RARB: variants seen among roughly 807,000 people sequenced by gnomAD.
The protein encoded by RARB is HBV-activated protein.
RARB carries 17 observed loss-of-function variants against 51.9 expected under a neutral mutation model. That is an observed-to-expected ratio of 0.33 (90% CI 0.22 to 0.49). The LOEUF (loss-of-function observed/expected upper bound fraction) is 0.49, where lower values mean the gene tolerates loss of function less well. RARB is among the 20% of genes least tolerant of loss of function. RARB has a pLI of 0.99. For synonymous variants in RARB, 215 were observed against 195.4 expected (o/e 1.10, Z -0.84); for missense variants, 369 against 550.8 (o/e 0.67, Z 3.30).
chr3:25,290,073 C>A (rs937473790), intron 5 of RARB, among the ~76,000 whole-genome samples: 1 of 152,100 alleles, frequency 6.6e-6, no homozygotes, highest in African/African-American at 2.4e-5. Flanking sequence ...AGAGAATGCT[C>A]CCCTTTTCTT....
chr3:24,995,157 A>G (rs543489626), intron 2 of RARB, among the ~76,000 whole-genome samples: 1 of 151,854 alleles, frequency 6.6e-6, no homozygotes, highest in Admixed American at 6.6e-5. Context: ...TATCCTCTTC[A>G]GTTTATTTCA....
intron 2 of RARB, among the ~76,000 whole-genome samples, chr3:24,983,481 A>G (rs1448452568): frequency 2.0e-5 from 3 of 152,090 alleles, no homozygotes; most frequent in Non-Finnish European, 4.4e-5. Flanking sequence ...CCTGTCATCT[A>G]GGTTTTAAGC....
At chr3:24,904,996 C>G (rs866145629) in intron 2 of RARB, among the ~76,000 whole-genome samples, 13 of 152,192 alleles carry the variant, frequency 8.5e-5, no homozygotes, top group South Asian at 4.2e-4. Context: ...GGGAACATCA[C>G]ACAAGGGGAG....
intron 5 of RARB, among the ~76,000 whole-genome samples, chr3:25,401,990 T>A (rs1432099197): frequency 6.6e-6 from 1 of 152,090 alleles, no homozygotes; most frequent in Non-Finnish European, 1.5e-5. Flanking sequence ...TTGGCCAGGC[T>A]GTCTCAAACT....
chr3:24,847,073 G>T (rs1702494526), intron 1 of RARB, among the ~76,000 whole-genome samples: 1 of 152,144 alleles, frequency 6.6e-6, no homozygotes. Context: ...GGTCTGGGAT[G>T]GTGCCTGAGC....
Position 25,257,068 on chromosome 3 carries a change from T to TA in RARB, c.178+82494dup, listed in dbSNP as rs1033398814. Reference sequence around the variant, plus strand: ...AAATGTAAGCTCATCAATGTAGAGTTATGCACACATTTAAAGAACATCTGC... The same window carrying TA: ...AAATGTAAGCTCATCAATGTAGAGTTAATGCACACATTTAAAGAACATCTGC... On this transcript the variant is annotated intron_variant, in intron 5 of 11. Transcript: ENST00000383772. 5.9e-5 allele frequency among the ~76,000 whole-genome samples: 9 copies of TA among 152,260 alleles called. 1 individual carries two copies. The highest frequency in any genetic ancestry group is 2.6e-4 in the Admixed American group (4 of 15,268).
At chr3:25,513,171 C>G (rs1471022994) in intron 3 of RARB, among the ~76,000 whole-genome samples, 2 of 151,130 alleles carry the variant, frequency 1.3e-5, no homozygotes, top group African/African-American at 4.9e-5. Flanking sequence ...CCTGTAATCC[C>G]AGCTACTCAG....
At chr3:25,591,176 A>T (rs1210131509) in intron 5 of RARB, among the ~76,000 whole-genome samples, 4 of 152,332 alleles carry the variant, frequency 2.6e-5, no homozygotes. Flanking sequence ...TGTTTTGAGA[A>T]CTACTCACAT....
intron 5 of RARB, among the ~76,000 whole-genome samples, chr3:25,212,275 G>C (rs528782534): frequency 6.6e-6 from 1 of 152,162 alleles, no homozygotes; most frequent in Admixed American, 6.5e-5. Flanking sequence ...GCTAAATTGA[G>C]CATCAATAAT....
intron 5 of RARB, among the ~76,000 whole-genome samples, chr3:25,420,104 G>C (rs779383199): frequency 6.6e-6 from 1 of 152,034 alleles, no homozygotes; most frequent in Admixed American, 6.6e-5. Context: ...GTGTGTGCGC[G>C]CGTGTGTGTG....
intron 1 of RARB, among the ~76,000 whole-genome samples, chr3:25,442,723 C>A (rs1005272781): frequency 3.3e-5 from 5 of 152,048 alleles, no homozygotes; most frequent in Non-Finnish European, 5.9e-5. Flanking sequence ...CTGGGTGGAA[C>A]TATTTTTCCT....
At chr3:25,502,657 A>G (rs930271742) in intron 3 of RARB, among the ~76,000 whole-genome samples, 6 of 152,340 alleles carry the variant, frequency 3.9e-5, no homozygotes, top group African/African-American at 1.4e-4. Flanking sequence ...ATGCGTGAAC[A>G]TGTAACCTAG....
intron 1 of RARB, among the ~76,000 whole-genome samples, chr3:25,436,907 A>G (rs1708458315): frequency 6.6e-6 from 1 of 152,162 alleles, no homozygotes; most frequent in South Asian, 2.1e-4. Context: ...GTCCAAGATA[A>G]TGCAAGTAGC....
chr3:24,904,417 A>G (rs1005246241), intron 2 of RARB, among the ~76,000 whole-genome samples: 2 of 152,228 alleles, frequency 1.3e-5, no homozygotes, highest in African/African-American at 2.4e-5. Context: ...AAAAAAGCTC[A>G]TCATCACTGG....
intron 5 of RARB, among the ~76,000 whole-genome samples, chr3:25,207,742 T>C (rs1394243365): frequency 3.3e-5 from 5 of 152,206 alleles, no homozygotes; most frequent in Admixed American, 6.5e-5. Context: ...TCAGTAAATA[T>C]TGCTTGAATG....
At chr3:25,334,777 G>A (rs1389088922) in intron 5 of RARB, among the ~76,000 whole-genome samples, 1 of 152,310 alleles carries the variant, frequency 6.6e-6, no homozygotes, top group East Asian at 1.9e-4. Context: ...GTTCATGTGT[G>A]TTGGGAATTT....
rs556270215 is a variant in RARB at position 25,357,586 on chromosome 3, C to A, written c.179-103607C>A. Among the ~76,000 whole-genome samples, 3 of 152,226 alleles carry A rather than the reference C, an allele frequency of 2.0e-5. No individual in the cohort carries two copies. The South Asian group carries it at 6.2e-4, about 32-fold the overall frequency. On this transcript the variant is annotated intron_variant, in intron 5 of 11. Transcript: ENST00000383772. ...GTGTTTTAGTCATGAAGTATTTGCC[C>A]ATGCCTATGTCCTGAATGGTGTTGC...
At chr3:25,141,480 C>T (rs1225609955) in intron 4 of RARB, among the ~76,000 whole-genome samples, 1 of 152,158 alleles carries the variant, frequency 6.6e-6, no homozygotes, top group African/African-American at 2.4e-5. Flanking sequence ...TTCAGAGGGT[C>T]TTAGGAGAGG....
chr3:25,189,485 G>A (rs1025932532), intron 5 of RARB, among the ~76,000 whole-genome samples: 1 of 152,092 alleles, frequency 6.6e-6, no homozygotes, highest in Admixed American at 6.5e-5. Flanking sequence ...CCCAGGAAAA[G>A]GCCAAAATGT....
Sources: allele counts gnomAD v4.1 joint callset (sites outside exome capture counted in the v4.1 genomes callset), GRCh38; gene constraint gnomAD v4.1.1; transcripts MANE v1.5; gene names NCBI Gene and HGNC (gene_info 2026-07-23, HGNC 2026-07-21).